The following BMP5 variants were observed in gnomAD, a reference collection of about 807,000 sequenced individuals.
BMP5 encodes bone morphogenetic protein 5.
BMP5 carries 23 observed loss-of-function variants against 46.6 expected under a neutral mutation model. The ratio of observed to expected loss-of-function variants is 0.49; its 90% CI spans 0.35 to 0.70. The LOEUF (loss-of-function observed/expected upper bound fraction) is 0.70, where lower values mean the gene tolerates loss of function less well. Ranked by LOEUF, BMP5 falls within the 30% of genes least tolerant of loss-of-function variation. The pLI, the probability that BMP5 is intolerant of heterozygous loss-of-function variation, is 0.00. For missense variants in BMP5, 545 were observed against 565.6 expected, an observed-to-expected ratio of 0.96 and a Z score of 0.37; for synonymous variants, 204 against 191.9, an observed-to-expected ratio of 1.06 and a Z score of -0.52.
chr6:55,799,779 C>T (rs1304743668), intron 2 of BMP5, among the ~76,000 whole-genome samples: 4 of 152,118 alleles, frequency 2.6e-5, no homozygotes, highest in Admixed American at 6.6e-5. Context: ...TGCTGCTGCC[C>T]GAGATACAGA....
chr6:55,760,681 T>G, intron 4 of BMP5, 148 bp from the exon 5 acceptor site: 1 of 682,828 alleles, frequency 1.5e-6, no homozygotes, highest in Non-Finnish European at 2.5e-6. Context: ...AACTACTTAC[T>G]AACCATGTGA....
intron 1 of BMP5, among the ~76,000 whole-genome samples, chr6:55,830,502 C>T (rs1477800928): frequency 6.6e-6 from 1 of 152,084 alleles, no homozygotes; most frequent in African/African-American, 2.4e-5. Context: ...TATACAAACC[C>T]TTCAAGTTTC....
At chr6:55,871,361 T>G (rs931881435) in intron 1 of BMP5, among the ~76,000 whole-genome samples, 6 of 151,930 alleles carry the variant, frequency 3.9e-5, no homozygotes, top group Non-Finnish European at 5.9e-5. Flanking sequence ...ACTATGAGAC[T>G]GATAAAAGTG....
chr6:55,871,472 A>T (rs1189580240), intron 1 of BMP5, among the ~76,000 whole-genome samples: 2 of 151,900 alleles, frequency 1.3e-5, no homozygotes, highest in Non-Finnish European at 2.9e-5. Context: ...AATAAAGGTT[A>T]AAATGATATG....
intron 1 of BMP5, among the ~76,000 whole-genome samples, chr6:55,828,337 A>G (rs960076476): frequency 2.0e-5 from 3 of 151,856 alleles, no homozygotes; most frequent in Non-Finnish European, 4.4e-5. Context: ...TAATGCCAAT[A>G]CTTGGTTACA....
intron 6 of BMP5, among the ~76,000 whole-genome samples, chr6:55,757,713 G>T (rs1364485459): frequency 6.6e-6 from 1 of 151,790 alleles, no homozygotes. Context: ...CACTGGTCAT[G>T]AATCAATAAA....
intron 4 of BMP5, among the ~76,000 whole-genome samples, chr6:55,763,728 C>T (rs1056454118): frequency 4.6e-5 from 7 of 152,110 alleles, no homozygotes; most frequent in African/African-American, 1.4e-4. Context: ...ACCAACATGT[C>T]TTATCCATAG....
chr6:55,761,672 C>T (rs1439811517), intron 4 of BMP5, among the ~76,000 whole-genome samples: 2 of 152,048 alleles, frequency 1.3e-5, no homozygotes, highest in Non-Finnish European at 2.9e-5. Flanking sequence ...TCAACAAGAC[C>T]TTCACTACCC....
At chr6:55,814,069 A>T (rs1159039610) in intron 2 of BMP5, among the ~76,000 whole-genome samples, 1 of 152,106 alleles carries the variant, frequency 6.6e-6, no homozygotes. Context: ...GTTTTCAGCT[A>T]TTATTCACAG....
intron 2 of BMP5, among the ~76,000 whole-genome samples, chr6:55,809,163 T>C (rs1202903211): frequency 6.6e-6 from 1 of 152,180 alleles, no homozygotes; most frequent in African/African-American, 2.4e-5. Flanking sequence ...ATTAAAGTAA[T>C]TTCTACCTCA....
At chr6:55,819,423 T>C (rs1306590175) in intron 2 of BMP5, among the ~76,000 whole-genome samples, 1 of 152,148 alleles carries the variant, frequency 6.6e-6, no homozygotes, top group African/African-American at 2.4e-5. Context: ...TTTAGAAGCA[T>C]GAGACTATTT....
chr6:55,816,504 A>G (rs1776273513), intron 2 of BMP5, among the ~76,000 whole-genome samples: 1 of 152,156 alleles, frequency 6.6e-6, no homozygotes, highest in South Asian at 2.1e-4. Context: ...GCCTGGCCCT[A>G]TAAGAAAATA....
chr6:55,845,880 G>T (rs1777086381), intron 1 of BMP5, among the ~76,000 whole-genome samples: 1 of 151,962 alleles, frequency 6.6e-6, no homozygotes, highest in Non-Finnish European at 1.5e-5. Context: ...TTGGGAACAA[G>T]AACACCAAAT....
At position 55,755,321 on chromosome 6, in the gene BMP5, T is replaced by C. The variant is rs1279694700; in HGVS notation, c.*212A>G. ...ATCTATTGTATAATGTAGTGGCCTA[T>C]GAAATAGATTTTATTGATAAAGCCT... On this transcript the variant is annotated 3_prime_UTR_variant, in exon 7 of 7. Coordinates refer to ENST00000370830, the MANE Select transcript of BMP5 (RefSeq NM_021073.4). 11 of 506,164 alleles carry C rather than the reference T, an allele frequency of 2.2e-5. No individual in the cohort carries two copies. Among genetic ancestry groups the C allele is most frequent in the African/African-American group, 1.4e-4 (7 of 51,526 alleles). The allele number at this position is 506,164 out of a possible 1,614,324, so 31.4% of individuals were successfully genotyped here.
At chr6:55,778,224 G>A (rs1157402954) in intron 3 of BMP5, among the ~76,000 whole-genome samples, 1 of 151,952 alleles carries the variant, frequency 6.6e-6, no homozygotes, top group Non-Finnish European at 1.5e-5. Flanking sequence ...AAGAGGGTAG[G>A]GATGTGATCT....
intron 1 of BMP5, among the ~76,000 whole-genome samples, chr6:55,841,182 T>C (rs565370429): frequency 6.6e-6 from 1 of 152,254 alleles, no homozygotes; most frequent in African/African-American, 2.4e-5. Flanking sequence ...ATGGAAAAAT[T>C]GTCTTCCTCA....
chr6:55,766,451 T>C (rs1176872807), intron 4 of BMP5, among the ~76,000 whole-genome samples: 2 of 151,976 alleles, frequency 1.3e-5, no homozygotes, highest in Non-Finnish European at 2.9e-5. Flanking sequence ...AACACTCCCC[T>C]CTCCAGAGTC....
chr6:55,855,397 A>G (rs1053116572), intron 1 of BMP5, among the ~76,000 whole-genome samples: 46 of 151,664 alleles, frequency 3.0e-4, no homozygotes, highest in Non-Finnish European at 5.6e-4. Flanking sequence ...AAGAAAAAAA[A>G]GGGGGGGGAT....
chr6:55,817,852 G>A (rs1776314294), intron 2 of BMP5, among the ~76,000 whole-genome samples: 1 of 152,166 alleles, frequency 6.6e-6, no homozygotes, highest in Non-Finnish European at 1.5e-5. Context: ...CTAATTGAAT[G>A]TTAAGCAGCT....
Sources: allele counts gnomAD v4.1 joint callset (sites outside exome capture counted in the v4.1 genomes callset), GRCh38; gene constraint gnomAD v4.1.1; transcripts MANE v1.5; gene names NCBI Gene and HGNC (gene_info 2026-07-23, HGNC 2026-07-21).